Variants in CAST observed in about 807,000 individuals in gnomAD.
The protein encoded by CAST is calpastatin.
CAST carries 76 observed loss-of-function variants against 119.6 expected under a neutral mutation model. That is an observed-to-expected ratio of 0.64 (90% CI 0.53 to 0.77). The LOEUF (loss-of-function observed/expected upper bound fraction) is 0.77, where lower values mean the gene tolerates loss of function less well. CAST is among the 30% of genes least tolerant of loss of function. The pLI, the probability that CAST is intolerant of heterozygous loss-of-function variation, is 0.00. For missense variants in CAST, 953 were observed against 946.5 expected (o/e 1.01, Z -0.09); for synonymous variants, 319 against 331.6 (o/e 0.96, Z 0.41).
the CAST span, among the ~76,000 whole-genome samples, chr5:96,484,340 T>C: frequency 1.3e-5 from 2 of 152,188 alleles, no homozygotes. Flanking sequence ...ATTAGAGTTG[T>C]TGGAAAAGTA....
chr5:96,615,207 T>A (rs530773918), intron 1 of CAST, among the ~76,000 whole-genome samples: 1 of 152,334 alleles, frequency 6.6e-6, no homozygotes, highest in Admixed American at 6.5e-5. Flanking sequence ...GGAGCATATT[T>A]AAGGTAAGCT....
intron 1 of CAST, among the ~76,000 whole-genome samples, chr5:96,551,482 C>T (rs1746124888): frequency 6.6e-6 from 1 of 152,080 alleles, no homozygotes; most frequent in Admixed American, 6.6e-5. Flanking sequence ...TTGTAAAGAC[C>T]ATCGACACTA....
chr5:96,430,756 C>T, the CAST span, among the ~76,000 whole-genome samples: 7 of 152,100 alleles, frequency 4.6e-5, no homozygotes, highest in Admixed American at 6.5e-5. Context: ...GTAATGCCAT[C>T]TTAACTAAAA....
the CAST span, among the ~76,000 whole-genome samples, chr5:96,179,687 T>C: frequency 1.6e-4 from 24 of 152,188 alleles, no homozygotes; most frequent in Non-Finnish European, 2.9e-4. Flanking sequence ...AGAGGGAGCA[T>C]GTGCAGGAGC....
chr5:96,208,597 C>T, the CAST span, among the ~76,000 whole-genome samples: 1 of 151,972 alleles, frequency 6.6e-6, no homozygotes, highest in African/African-American at 2.4e-5. Context: ...AAAAATCATT[C>T]CAGAGAAGAC....
chr5:96,634,107 GCTGA>G (rs1250125582), intron 1 of CAST, among the ~76,000 whole-genome samples: 1 of 152,196 alleles, frequency 6.6e-6, no homozygotes, highest in Non-Finnish European at 1.5e-5. Flanking sequence ...TTGTGGTTGT[GCTGA>G]CTGACGACAT....
chr5:96,752,562 A>AT lies in CAST; in HGVS notation c.1525-1466dup, dbSNP rs869108023. 2.5e-3 allele frequency among the ~76,000 whole-genome samples: 40 copies of AT among 16,128 alleles called. 1 individual carries two copies. The highest frequency in any genetic ancestry group is 0.016 in the South Asian group (8 of 508). 10.6% of individuals were successfully genotyped at this position (16,128 alleles called of 152,430 possible). A position where few individuals can be genotyped will look rare whatever the true frequency, so the allele number is the denominator to read the frequency against. On this transcript the variant is annotated intron_variant, in intron 20 of 31. Transcript: ENST00000675179. Reference sequence around the variant, plus strand: ...AGAAACCTCAGGGATAACCTCAGGGATTTTTTTTTTTTTTTTTTTTTTTTT... The same window carrying AT: ...AGAAACCTCAGGGATAACCTCAGGGATTTTTTTTTTTTTTTTTTTTTTTTTT...
the CAST span, among the ~76,000 whole-genome samples, chr5:96,096,745 C>T: frequency 6.6e-6 from 1 of 152,154 alleles, no homozygotes; most frequent in African/African-American, 2.4e-5. Context: ...CAGATGGCCT[C>T]TACCATCTGA....
At chr5:96,223,456 T>C in the CAST span, among the ~76,000 whole-genome samples, 1 of 152,172 alleles carries the variant, frequency 6.6e-6, no homozygotes, top group African/African-American at 2.4e-5. Context: ...AGGATGGGTC[T>C]ATTTCAATGA....
At chr5:96,299,688 A>G in the CAST span, among the ~76,000 whole-genome samples, 1 of 152,218 alleles carries the variant, frequency 6.6e-6, no homozygotes, top group Non-Finnish European at 1.5e-5. Context: ...GTATACATCC[A>G]TAGCATGTGG....
intron 1 of CAST, among the ~76,000 whole-genome samples, chr5:96,539,679 T>C (rs572226967): frequency 3.9e-5 from 6 of 152,228 alleles, no homozygotes; most frequent in Admixed American, 3.9e-4. Flanking sequence ...CCTGAACCAC[T>C]TATATTAAAA....
the CAST span, among the ~76,000 whole-genome samples, chr5:96,043,177 CCTTTA>C: frequency 6.6e-6 from 1 of 152,180 alleles, no homozygotes; most frequent in Admixed American, 6.5e-5. Context: ...ATCATGATAT[CCTTTA>C]CTTGGCAGAT....
chr5:95,980,227 G>C, the CAST span: 1 of 152,172 alleles, frequency 6.6e-6, no homozygotes, highest in Non-Finnish European at 1.5e-5. Flanking sequence ...AGTATACCTA[G>C]GTACTGACAG....
chr5:96,029,661 A>T, the CAST span, among the ~76,000 whole-genome samples: 2 of 152,170 alleles, frequency 1.3e-5, no homozygotes, highest in Non-Finnish European at 2.9e-5. Flanking sequence ...AAACGTTAAA[A>T]ATGTGAAAGC....
At chr5:96,312,649 A>G in the CAST span, among the ~76,000 whole-genome samples, 1 of 152,244 alleles carries the variant, frequency 6.6e-6, no homozygotes, top group Non-Finnish European at 1.5e-5. Flanking sequence ...TAAATAAGAA[A>G]GCAAAAACAG....
the CAST span, among the ~76,000 whole-genome samples, chr5:96,439,968 A>T: frequency 6.6e-6 from 1 of 152,176 alleles, no homozygotes; most frequent in East Asian, 1.9e-4. Context: ...GAGAAAACAA[A>T]GGTACTAAAG....
intron 1 of CAST, among the ~76,000 whole-genome samples, chr5:96,548,644 C>T (rs1378023080): frequency 6.6e-6 from 1 of 152,110 alleles, no homozygotes. Flanking sequence ...CCCCCAATGA[C>T]AATACTCTGC....
Position 96,762,466 on chromosome 5 carries a change from C to G in CAST, c.1932+94C>G, listed in dbSNP as rs181120550. The G allele has an allele frequency of 1.5e-5, 12 of 811,046 alleles. No homozygotes were observed. The Admixed American group carries it at 3.5e-4, about 24-fold the overall frequency. The allele number at this position is 811,046 out of a possible 1,614,324, so 50.2% of individuals were successfully genotyped here. A position where few individuals can be genotyped will look rare whatever the true frequency, so the allele number is the denominator to read the frequency against. On this transcript the variant is annotated intron_variant, in intron 25 of 31. Coordinates refer to ENST00000675179, the MANE Select transcript of CAST (RefSeq NM_001750.7). ...CCTGTTTAAAGCAAATGAAAATAGG[C>G]AGAATTATTAGGAAGATCAGGCACC...
At chr5:96,308,358 C>CT in the CAST span, among the ~76,000 whole-genome samples, 15 of 151,984 alleles carry the variant, frequency 9.9e-5, no homozygotes, top group African/African-American at 3.4e-4. Context: ...TACATCTAAC[C>CT]TTTTTTCTGA....
Sources: allele counts gnomAD v4.1 joint callset (sites outside exome capture counted in the v4.1 genomes callset), GRCh38; gene constraint gnomAD v4.1.1; transcripts MANE v1.5; gene names NCBI Gene and HGNC (gene_info 2026-07-23, HGNC 2026-07-21).